The following NSUN3 variants were observed in gnomAD, a reference collection of about 807,000 sequenced individuals.
NSUN3 encodes NOP2/Sun RNA methyltransferase 3, also known as tRNA (cytosine(34)-C(5))-methyltransferase, mitochondrial.
In NSUN3, 24 loss-of-function variants were observed where a neutral mutation model predicts 36.8. The ratio of observed to expected loss-of-function variants is 0.65; its 90% CI spans 0.47 to 0.92. NSUN3 has a LOEUF of 0.92. Ranked by LOEUF, NSUN3 falls within the 40% of genes least tolerant of loss-of-function variation. NSUN3 has a pLI of 0.00. For synonymous variants in NSUN3, 146 were observed against 145.2 expected (o/e 1.01, Z -0.04); for missense variants, 381 against 392.8 (o/e 0.97, Z 0.25).
chr3:94,095,913 ATTTT>A (rs60524751), intron 5 of NSUN3, among the ~76,000 whole-genome samples: 1 of 124,526 alleles, frequency 8.0e-6, no homozygotes, highest in Non-Finnish European at 1.7e-5. Context: ...AGCCTAGCTA[ATTTT>A]TTTTTTTTTT....
Position 94,086,991 on chromosome 3 carries a change from C to G in NSUN3, c.466+2541C>G, listed in dbSNP as rs145596455. ...ATTCTAAATTATCCTCATTAGTAGG[C>G]TATAAATATTTTACACATTTATAGT... On this transcript the variant is annotated intron_variant, in intron 3 of 5. Transcript: ENST00000314622. Among the ~76,000 whole-genome samples, 942 of 152,292 alleles carry G rather than the reference C, an allele frequency of 6.2e-3. 13 individuals are homozygous for G. The highest frequency in any genetic ancestry group is 0.022 in the African/African-American group (908 of 41,572).
chr3:94,120,513 A>G (rs2077456947), intron 5 of NSUN3, among the ~76,000 whole-genome samples: 1 of 152,168 alleles, frequency 6.6e-6, no homozygotes, highest in Non-Finnish European at 1.5e-5. Flanking sequence ...AAGTGGAATC[A>G]TGTGATATTT....
chr3:94,113,503 T>A (rs536578634), intron 5 of NSUN3, among the ~76,000 whole-genome samples: 3 of 152,166 alleles, frequency 2.0e-5, no homozygotes, highest in South Asian at 4.1e-4. Context: ...GACTGATATT[T>A]AAGGGATATG....
intron 5 of NSUN3, among the ~76,000 whole-genome samples, chr3:94,120,644 C>T (rs900312346): frequency 1.3e-5 from 2 of 152,156 alleles, no homozygotes; most frequent in Non-Finnish European, 2.9e-5. Flanking sequence ...ATCTATGTAT[C>T]TGTCTACACA....
Position 94,131,198 on chromosome 3 carries a change from G to A in NSUN3, c.*4708G>A, listed in dbSNP as rs548515071. Among the ~76,000 whole-genome samples the A allele has an allele frequency of 8.5e-5, 13 of 152,192 alleles. No individual in the cohort carries two copies. The South Asian group carries it at 2.7e-3, about 32-fold the overall frequency. On this transcript the variant is annotated 3_prime_UTR_variant, in exon 6 of 6. Coordinates refer to ENST00000314622, the MANE Select transcript of NSUN3 (RefSeq NM_022072.5). ...CTCCCAAAGTATTGGGATTACAGGT[G>A]TGAGCCATTGTGCTCGGCCTCATAT...
chr3:94,109,470 T>C (rs980561149), intron 5 of NSUN3, among the ~76,000 whole-genome samples: 1 of 152,198 alleles, frequency 6.6e-6, no homozygotes, highest in Non-Finnish European at 1.5e-5. Flanking sequence ...GCTGTTTAAG[T>C]AGTCTGTTTT....
At chr3:94,123,213 A>T (rs1576104020) in intron 5 of NSUN3, among the ~76,000 whole-genome samples, 1 of 152,028 alleles carries the variant, frequency 6.6e-6, no homozygotes, top group South Asian at 2.1e-4. Context: ...CAGGCCTCCC[A>T]CGCAGCTCTC....
At chr3:94,110,047 AGT>A (rs1262545352) in intron 5 of NSUN3, among the ~76,000 whole-genome samples, 1 of 152,148 alleles carries the variant, frequency 6.6e-6, no homozygotes, top group African/African-American at 2.4e-5. Flanking sequence ...GTTTATTCAT[AGT>A]GTGTGTCTCA....
At chr3:94,120,015 C>T (rs2077454847) in intron 5 of NSUN3, among the ~76,000 whole-genome samples, 1 of 152,184 alleles carries the variant, frequency 6.6e-6, no homozygotes, top group African/African-American at 2.4e-5. Context: ...ACATTGGCAA[C>T]ATTATAGAAA....
chr3:94,123,471 C>T (rs575456535), intron 5 of NSUN3, among the ~76,000 whole-genome samples: 8 of 152,110 alleles, frequency 5.3e-5, no homozygotes, highest in Non-Finnish European at 1.2e-4. Context: ...CAGTCTGATT[C>T]CTGGGCTCGT....
At chr3:94,122,581 A>G (rs2077468303) in intron 5 of NSUN3, among the ~76,000 whole-genome samples, 1 of 152,200 alleles carries the variant, frequency 6.6e-6, no homozygotes, top group South Asian at 2.1e-4. Context: ...ACTTAGTACC[A>G]TACACTTAGA....
intron 5 of NSUN3, among the ~76,000 whole-genome samples, chr3:94,123,089 T>C (rs1479382546): frequency 6.6e-6 from 1 of 152,196 alleles, no homozygotes; most frequent in East Asian, 1.9e-4. Flanking sequence ...CAATTATGTA[T>C]ACCAAATCTT....
At chr3:94,091,010 C>T (rs1461653277) in intron 3 of NSUN3, among the ~76,000 whole-genome samples, 2 of 152,172 alleles carry the variant, frequency 1.3e-5, no homozygotes, top group African/African-American at 2.4e-5. Flanking sequence ...AACTTTGATG[C>T]CGTGTTCCTC....
chr3:94,093,541 A>G (rs922992049), intron 3 of NSUN3, among the ~76,000 whole-genome samples: 2 of 151,830 alleles, frequency 1.3e-5, no homozygotes, highest in African/African-American at 2.4e-5. Context: ...GAAAGAATAA[A>G]TAACCCCTAG....
At position 94,127,697 on chromosome 3, in the gene NSUN3, A is replaced by G. The variant is rs1325061684; in HGVS notation, c.*1207A>G. 1 of 152,174 alleles carries G rather than the reference A, an allele frequency of 6.6e-6. No individual in the cohort carries two copies. The highest frequency in any genetic ancestry group is 2.4e-5 in the African/African-American group (1 of 41,440). 9.4% of individuals were successfully genotyped at this position (152,174 alleles called of 1,614,324 possible). ...TGGAAAATAGCCTTTAAAAAAAAAC[A>G]ACTTTATCTGATTATAGAAATACAA... On this transcript the variant is annotated 3_prime_UTR_variant, in exon 6 of 6. Transcript: ENST00000314622.
intron 5 of NSUN3, among the ~76,000 whole-genome samples, chr3:94,115,136 T>C (rs2107269806): frequency 6.6e-6 from 1 of 152,310 alleles, no homozygotes; most frequent in Middle Eastern, 3.4e-3. Flanking sequence ...ATTAATTATA[T>C]AACTGTTTTT....
At chr3:94,069,393 A>C (rs2077216725) in intron 2 of NSUN3, among the ~76,000 whole-genome samples, 3 of 152,214 alleles carry the variant, frequency 2.0e-5, no homozygotes, top group Admixed American at 2.0e-4. Context: ...TTCATTTCTA[A>C]CTTTTAAAAG....
At chr3:94,105,259 A>G (rs1340737329) in intron 5 of NSUN3, among the ~76,000 whole-genome samples, 1 of 152,052 alleles carries the variant, frequency 6.6e-6, no homozygotes, top group African/African-American at 2.4e-5. Flanking sequence ...GACTTTTATG[A>G]TCCAAAGGAT....
intron 5 of NSUN3, among the ~76,000 whole-genome samples, chr3:94,119,381 G>A (rs988471497): frequency 1.3e-5 from 2 of 152,202 alleles, no homozygotes. Context: ...AAAGCAGTGG[G>A]AGGCCACAAC....
Sources: allele counts gnomAD v4.1 joint callset (sites outside exome capture counted in the v4.1 genomes callset), GRCh38; gene constraint gnomAD v4.1.1; transcripts MANE v1.5; gene names NCBI Gene and HGNC (gene_info 2026-07-23, HGNC 2026-07-21).